Variants in GPM6A observed in about 807,000 individuals in gnomAD.
GPM6A encodes the protein glycoprotein M6A.
In GPM6A, 7 loss-of-function variants were observed where a neutral mutation model predicts 32.1. That is an observed-to-expected ratio of 0.22 (90% CI 0.12 to 0.41). The LOEUF (loss-of-function observed/expected upper bound fraction) is 0.41. Among genes scored for constraint, GPM6A ranks in the 10% least tolerant of loss-of-function variants. GPM6A has a pLI of 1.00. For missense variants in GPM6A, 235 were observed against 347.2 expected, an observed-to-expected ratio of 0.68 and a Z score of 2.57; for synonymous variants, 130 against 123.4, an observed-to-expected ratio of 1.05 and a Z score of -0.35.
At chr4:175,637,287 AAAAT>A (rs1740737201) in intron 6 of GPM6A, among the ~76,000 whole-genome samples, 2 of 67,356 alleles carry the variant, frequency 3.0e-5, no homozygotes, top group African/African-American at 1.1e-4. Context: ...TATATTATAT[AAAAT>A]ATATATTATA....
chr4:175,850,215 G>A (rs1209494289), intron 1 of GPM6A, among the ~76,000 whole-genome samples: 1 of 152,098 alleles, frequency 6.6e-6, no homozygotes, highest in Admixed American at 6.6e-5. Flanking sequence ...AGAACCCTAA[G>A]CTATAAAGAG....
intron 1 of GPM6A, among the ~76,000 whole-genome samples, chr4:175,846,476 C>G (rs755785266): frequency 3.3e-5 from 5 of 151,972 alleles, no homozygotes; most frequent in African/African-American, 7.2e-5. Flanking sequence ...TAACCCGAAG[C>G]CAATATTCCC....
At chr4:175,756,921 T>G (rs1183987665) in intron 1 of GPM6A, among the ~76,000 whole-genome samples, 1 of 151,996 alleles carries the variant, frequency 6.6e-6, no homozygotes, top group East Asian at 1.9e-4. Context: ...AGTTATCTTA[T>G]GAAGAAAGAG....
intron 1 of GPM6A, among the ~76,000 whole-genome samples, chr4:175,825,052 A>G (rs1193135755): frequency 1.3e-5 from 2 of 152,252 alleles, no homozygotes; most frequent in Non-Finnish European, 2.9e-5. Flanking sequence ...GGATGCCAGT[A>G]TAAATTTCTA....
chr4:175,927,816 C>A (rs944069294), intron 1 of GPM6A, among the ~76,000 whole-genome samples: 1 of 152,108 alleles, frequency 6.6e-6, no homozygotes, highest in African/African-American at 2.4e-5. Flanking sequence ...ACCTGCGAGG[C>A]GGAGGTTGCA....
intron 1 of GPM6A, among the ~76,000 whole-genome samples, chr4:175,977,255 G>A (rs988000097): frequency 3.3e-5 from 5 of 152,142 alleles, no homozygotes; most frequent in African/African-American, 1.2e-4. Flanking sequence ...ATCACAAATT[G>A]AAAATCAGTG....
chr4:175,888,155 T>G (rs1737521129), intron 1 of GPM6A, among the ~76,000 whole-genome samples: 1 of 151,932 alleles, frequency 6.6e-6, no homozygotes. Flanking sequence ...AGTACAAAGA[T>G]AGCTTAAAAT....
intron 1 of GPM6A, among the ~76,000 whole-genome samples, chr4:175,973,745 A>G (rs1740575199): frequency 2.0e-5 from 3 of 152,342 alleles, no homozygotes; most frequent in Non-Finnish European, 4.4e-5. Context: ...GTCTAGAAAG[A>G]TAAAATAGCA....
chr4:175,714,019 T>G (rs1192998056), intron 1 of GPM6A, among the ~76,000 whole-genome samples: 1 of 152,198 alleles, frequency 6.6e-6, no homozygotes, highest in Non-Finnish European at 1.5e-5. Flanking sequence ...AATAATATCT[T>G]TTAATTTTTT....
chr4:175,841,466 T>C (rs1252316496), intron 1 of GPM6A, among the ~76,000 whole-genome samples: 1 of 152,116 alleles, frequency 6.6e-6, no homozygotes, highest in East Asian at 1.9e-4. Flanking sequence ...AAAATAAAGA[T>C]TAGTGTTTTT....
intron 1 of GPM6A, among the ~76,000 whole-genome samples, chr4:175,731,217 T>G (rs1053813238): frequency 4.6e-5 from 7 of 152,212 alleles, no homozygotes; most frequent in African/African-American, 1.7e-4. Flanking sequence ...TGGCCCCTGC[T>G]TAGCTGGAGT....
chr4:175,638,657 A>T (rs1740955223), intron 6 of GPM6A, among the ~76,000 whole-genome samples: 1 of 152,118 alleles, frequency 6.6e-6, no homozygotes, highest in South Asian at 2.1e-4. Context: ...ACAGAATTTT[A>T]TATGCACATA....
intron 1 of GPM6A, among the ~76,000 whole-genome samples, chr4:175,776,311 G>T (rs1376288247): frequency 2.6e-5 from 4 of 152,140 alleles, no homozygotes; most frequent in Admixed American, 6.6e-5. Context: ...TTAGGTTAAT[G>T]TGCCTTTTTC....
intron 1 of GPM6A, among the ~76,000 whole-genome samples, chr4:175,704,160 C>T (rs1208834548): frequency 6.6e-6 from 1 of 152,088 alleles, no homozygotes; most frequent in Non-Finnish European, 1.5e-5. Context: ...TTTAATGCTG[C>T]TCACTGAACT....
intron 1 of GPM6A, among the ~76,000 whole-genome samples, chr4:175,880,072 A>C (rs1737220240): frequency 6.6e-6 from 1 of 152,232 alleles, no homozygotes; most frequent in Non-Finnish European, 1.5e-5. Context: ...TATAAGGTAC[A>C]AGGAAGGGAT....
At chr4:175,642,850 T>C (rs539343723) in intron 4 of GPM6A, among the ~76,000 whole-genome samples, 1 of 152,276 alleles carries the variant, frequency 6.6e-6, no homozygotes, top group East Asian at 1.9e-4. Flanking sequence ...TATATCCAAT[T>C]TCTCATCTGA....
intron 1 of GPM6A, among the ~76,000 whole-genome samples, chr4:175,979,691 C>T (rs1025501727): frequency 6.6e-6 from 1 of 152,094 alleles, no homozygotes; most frequent in Non-Finnish European, 1.5e-5. Context: ...CAAAAGTTCA[C>T]AGGAAAAGAC....
At chr4:175,859,414 G>A (rs555969293) in intron 1 of GPM6A, among the ~76,000 whole-genome samples, 1 of 152,322 alleles carries the variant, frequency 6.6e-6, no homozygotes, top group East Asian at 1.9e-4. Flanking sequence ...TAGAGGCAAT[G>A]TAATCTTCTA....
intron 4 of GPM6A, among the ~76,000 whole-genome samples, chr4:175,642,326 A>C (rs1437619050): frequency 6.6e-6 from 1 of 152,128 alleles, no homozygotes; most frequent in Admixed American, 6.6e-5. Context: ...ATTTTGTGGA[A>C]TATTTATGTT....
Sources: gnomAD v4.1 joint callset for allele counts (sites outside exome capture counted in the v4.1 genomes callset) on GRCh38, gnomAD v4.1.1 for gene constraint, MANE v1.5 for transcripts, NCBI Gene and HGNC (gene_info 2026-07-23, HGNC 2026-07-21) for gene names.